The following PLA2G4A variants were observed in gnomAD, a reference collection of about 807,000 sequenced individuals.
The protein encoded by PLA2G4A is phospholipase A2 group IVA.
Under a neutral mutation model 81.9 loss-of-function variants are expected in PLA2G4A, and 40 were observed. The ratio of observed to expected loss-of-function variants is 0.49; its 90% CI spans 0.38 to 0.64. The LOEUF (loss-of-function observed/expected upper bound fraction) is 0.64. Among genes scored for constraint, PLA2G4A ranks in the 30% least tolerant of loss-of-function variants. The pLI, the probability that PLA2G4A is intolerant of heterozygous loss-of-function variation, is 0.00. For missense variants in PLA2G4A, 715 were observed against 905.1 expected, an observed-to-expected ratio of 0.79 and a Z score of 2.69; for synonymous variants, 302 against 296.9, an observed-to-expected ratio of 1.02 and a Z score of -0.18.
chr1:186,909,909 A>G (rs1195295514), intron 6 of PLA2G4A, among the ~76,000 whole-genome samples: 1 of 152,144 alleles, frequency 6.6e-6, no homozygotes, highest in East Asian at 1.9e-4. Context: ...CTAATATGCC[A>G]AATTTGAATA....
intron 5 of PLA2G4A, among the ~76,000 whole-genome samples, chr1:186,904,527 G>A (rs1558420971): frequency 6.6e-6 from 1 of 152,240 alleles, no homozygotes; most frequent in Admixed American, 6.5e-5. Context: ...AGTGCACCAA[G>A]CAAGAGGATT....
chr1:186,952,633 T>C (rs1656599594), intron 13 of PLA2G4A, among the ~76,000 whole-genome samples: 1 of 152,188 alleles, frequency 6.6e-6, no homozygotes, highest in Non-Finnish European at 1.5e-5. Flanking sequence ...TTTTGACAAA[T>C]ATGTAATGAC....
intron 3 of PLA2G4A, among the ~76,000 whole-genome samples, chr1:186,892,779 A>C (rs1654191459): frequency 6.6e-6 from 1 of 152,180 alleles, no homozygotes; most frequent in African/African-American, 2.4e-5. Context: ...ATTCTGAATA[A>C]ATCACTTAAT....
intron 14 of PLA2G4A, among the ~76,000 whole-genome samples, chr1:186,961,410 C>T (rs562328045): frequency 6.6e-6 from 1 of 152,158 alleles, no homozygotes; most frequent in South Asian, 2.1e-4. Flanking sequence ...TTTGATTGTT[C>T]CACAATGTAT....
intron 12 of PLA2G4A, among the ~76,000 whole-genome samples, chr1:186,949,935 C>T (rs977733603): frequency 6.6e-6 from 1 of 151,930 alleles, no homozygotes; most frequent in African/African-American, 2.4e-5. Context: ...ACTCAGGAGG[C>T]TAAGGTGGAA....
chr1:186,857,221 A>T (rs1652607522), intron 2 of PLA2G4A, among the ~76,000 whole-genome samples: 1 of 137,904 alleles, frequency 7.3e-6, no homozygotes, highest in Non-Finnish European at 1.5e-5. Flanking sequence ...CCAGTTCACC[A>T]GATCATCTGG....
intron 7 of PLA2G4A, among the ~76,000 whole-genome samples, chr1:186,928,746 A>C (rs1312728998): frequency 6.6e-6 from 1 of 152,228 alleles, no homozygotes; most frequent in Non-Finnish European, 1.5e-5. Flanking sequence ...TTTGAAAGGG[A>C]GGCAATTAAT....
chr1:186,987,033 C>G (rs1657912595), intron 17 of PLA2G4A, among the ~76,000 whole-genome samples: 1 of 152,252 alleles, frequency 6.6e-6, no homozygotes, highest in Non-Finnish European at 1.5e-5. Flanking sequence ...AAAAGAACCA[C>G]ATTCCTGTGA....
Position 186,893,168 on chromosome 1 carries a change from A to G in PLA2G4A, c.264+9A>G, listed in dbSNP as rs1207788236. The G allele has an allele frequency of 6.2e-7, 1 of 1,609,044 alleles. No individual in the cohort carries two copies. Among genetic ancestry groups the G allele is most frequent in the East Asian group, 2.2e-5 (1 of 44,784 alleles). On this transcript the variant is annotated intron_variant, in intron 4 of 17. Transcript: ENST00000367466. ...AGGAAAATGTTTTGGAGGTAAGTGA[A>G]CCATTTGGATGCTGTTAGATGGTTG...
At chr1:186,910,376 C>G (rs1192868134) in intron 6 of PLA2G4A, among the ~76,000 whole-genome samples, 2 of 152,104 alleles carry the variant, frequency 1.3e-5, no homozygotes, top group Admixed American at 1.3e-4. Flanking sequence ...CATAGGCTGA[C>G]AGATTTTTAA....
chr1:186,941,152 G>C (rs1427983439), intron 10 of PLA2G4A, among the ~76,000 whole-genome samples: 2 of 150,892 alleles, frequency 1.3e-5, no homozygotes, highest in East Asian at 1.9e-4. Flanking sequence ...CATACTTTTG[G>C]GGGGGCCTCT....
intron 1 of PLA2G4A, among the ~76,000 whole-genome samples, chr1:186,847,531 C>T (rs1392096586): frequency 6.6e-6 from 1 of 152,022 alleles, no homozygotes; most frequent in East Asian, 1.9e-4. Flanking sequence ...TGGCCAAGAC[C>T]TTAAGCCATA....
chr1:186,837,473 T>C (rs1205649749), intron 1 of PLA2G4A, among the ~76,000 whole-genome samples: 2 of 151,768 alleles, frequency 1.3e-5, no homozygotes, highest in South Asian at 2.1e-4. Flanking sequence ...CTCACTCCTG[T>C]AATCACAGCA....
intron 7 of PLA2G4A, among the ~76,000 whole-genome samples, chr1:186,929,496 A>G (rs1655663689): frequency 6.6e-6 from 1 of 152,210 alleles, no homozygotes; most frequent in African/African-American, 2.4e-5. Context: ...TAGTTGCTAA[A>G]AGCTTCAGGA....
intron 3 of PLA2G4A, among the ~76,000 whole-genome samples, chr1:186,883,980 C>T (rs1388944759): frequency 6.6e-6 from 1 of 151,940 alleles, no homozygotes; most frequent in Non-Finnish European, 1.5e-5. Context: ...AAATTTTGTT[C>T]ATTTTTTTAA....
chr1:186,893,983 G>T, intron 4 of PLA2G4A, 115 bp from the exon 5 acceptor site: 2 of 684,526 alleles, frequency 2.9e-6, no homozygotes. Context: ...GATCTTCAAG[G>T]ACTCTTAAAT....
intron 5 of PLA2G4A, among the ~76,000 whole-genome samples, chr1:186,895,837 G>C (rs1654314869): frequency 6.6e-6 from 1 of 152,124 alleles, no homozygotes; most frequent in South Asian, 2.1e-4. Flanking sequence ...TTCCAGTTCT[G>C]TTCCTTGCCA....
chr1:186,839,475 C>T (rs912534614), intron 1 of PLA2G4A, among the ~76,000 whole-genome samples: 5 of 152,164 alleles, frequency 3.3e-5, no homozygotes, highest in African/African-American at 1.2e-4. Flanking sequence ...GAGAGTATAA[C>T]ATTGTTTTTG....
chr1:186,968,083 G>A (rs1657197111), intron 15 of PLA2G4A, among the ~76,000 whole-genome samples: 1 of 152,076 alleles, frequency 6.6e-6, no homozygotes, highest in South Asian at 2.1e-4. Flanking sequence ...TAAGATGATA[G>A]CTTAGAAGCT....
Sources: allele counts gnomAD v4.1 joint callset (sites outside exome capture counted in the v4.1 genomes callset), GRCh38; gene constraint gnomAD v4.1.1; transcripts MANE v1.5; gene names NCBI Gene and HGNC (gene_info 2026-07-23, HGNC 2026-07-21).